The following ARMC2 variants were observed in gnomAD, a reference collection of about 807,000 sequenced individuals.
ARMC2 encodes armadillo repeat-containing protein 2.
A neutral mutation model predicts 90.3 loss-of-function variants in ARMC2; 67 were observed. The ratio of observed to expected loss-of-function variants is 0.74; its 90% CI spans 0.61 to 0.91. The LOEUF (loss-of-function observed/expected upper bound fraction) is 0.91. Ranked by LOEUF, ARMC2 falls within the 40% of genes least tolerant of loss-of-function variation. The pLI is 0.00. For missense variants in ARMC2, 920 were observed against 1,030.9 expected (o/e 0.89, Z 1.47); for synonymous variants, 393 against 393.0 (o/e 1.00, Z 0.00).
chr6:108,849,532 TA>T (rs962738344), intron 1 of ARMC2, among the ~76,000 whole-genome samples: 3 of 151,866 alleles, frequency 2.0e-5, no homozygotes, highest in South Asian at 4.2e-4. Context: ...AGTATAATAA[TA>T]AAAAAAAACT....
chr6:108,863,052 G>A (rs1276600405), intron 3 of ARMC2, among the ~76,000 whole-genome samples: 1 of 152,210 alleles, frequency 6.6e-6, no homozygotes, highest in Non-Finnish European at 1.5e-5. Flanking sequence ...GACGCTTGTG[G>A]TTCCTGATTG....
chr6:108,925,487 C>A (rs2768562), intron 10 of ARMC2, among the ~76,000 whole-genome samples: 113,828 of 152,140 alleles, frequency 0.75, 42,863 homozygotes, highest in Middle Eastern at 0.82. Context: ...AGATAGTAAA[C>A]CATAATATTA....
At chr6:109,033,648 T>C in the ARMC2 span, among the ~76,000 whole-genome samples, 4 of 152,128 alleles carry the variant, frequency 2.6e-5, no homozygotes, top group Non-Finnish European at 1.5e-5. Context: ...ATGCCTTAGA[T>C]TTTCATTTGT....
the ARMC2 span, chr6:108,988,218 A>T: frequency 5.3e-6 from 1 of 189,218 alleles, no homozygotes; most frequent in African/African-American, 2.3e-5. Flanking sequence ...CCAAATCATT[A>T]TTCAGTAATT....
chr6:108,890,171 C>G (rs1260663088), intron 5 of ARMC2, among the ~76,000 whole-genome samples: 7 of 116,722 alleles, frequency 6.0e-5, no homozygotes, highest in Non-Finnish European at 9.9e-5. Flanking sequence ...GCCTGGGTGA[C>G]AGAGCGAGAC....
At chr6:108,933,705 G>C (rs1775755583) in intron 11 of ARMC2, among the ~76,000 whole-genome samples, 1 of 152,162 alleles carries the variant, frequency 6.6e-6, no homozygotes, top group Non-Finnish European at 1.5e-5. Flanking sequence ...ATACTATGCT[G>C]CATAGGAATG....
the ARMC2 span, among the ~76,000 whole-genome samples, chr6:109,014,953 T>A: frequency 2.6e-5 from 4 of 152,226 alleles, no homozygotes; most frequent in Non-Finnish European, 5.9e-5. Context: ...ATAAGCTTCA[T>A]AAAATCAGAA....
chr6:108,992,734 A>G, the ARMC2 span: 2 of 1,142,680 alleles, frequency 1.8e-6, no homozygotes, highest in East Asian at 4.7e-5. Context: ...TTGTATTTTA[A>G]GTCAGACTGA....
intron 10 of ARMC2, among the ~76,000 whole-genome samples, chr6:108,915,483 C>T (rs139214287): frequency 2.0e-5 from 3 of 152,044 alleles, no homozygotes; most frequent in African/African-American, 2.4e-5. Context: ...TACAGAACTT[C>T]GCTTGCTTTA....
the ARMC2 span, among the ~76,000 whole-genome samples, chr6:108,999,456 C>A: frequency 2.0e-5 from 3 of 152,064 alleles, no homozygotes. Context: ...ATTTATAGTG[C>A]ATGGTAGACA....
At chr6:108,963,460 A>G (rs1778140777) in intron 15 of ARMC2, among the ~76,000 whole-genome samples, 1 of 152,216 alleles carries the variant, frequency 6.6e-6, no homozygotes, top group African/African-American at 2.4e-5. Flanking sequence ...GCCTCTGTCA[A>G]GCTTACTGCC....
At chr6:108,907,551 C>A in intron 8 of ARMC2, 1 of 1,353,384 alleles carries the variant, frequency 7.4e-7, no homozygotes. Context: ...AGATTGTGTT[C>A]CTCACAGAGG....
At chr6:108,999,642 TG>T in the ARMC2 span, among the ~76,000 whole-genome samples, 1 of 152,130 alleles carries the variant, frequency 6.6e-6, no homozygotes, top group African/African-American at 2.4e-5. Context: ...GGCCAAGATG[TG>T]GGACAACAGG....
At chr6:108,892,628 A>G (rs561189329) in intron 5 of ARMC2, among the ~76,000 whole-genome samples, 2 of 152,032 alleles carry the variant, frequency 1.3e-5, no homozygotes, top group Non-Finnish European at 2.9e-5. Flanking sequence ...GCATGGTGGC[A>G]CACGCCTGTA....
the ARMC2 span, chr6:109,009,302 G>A: frequency 7.1e-7 from 1 of 1,414,480 alleles, no homozygotes; most frequent in South Asian, 1.4e-5. Context: ...GGGCAGCTCG[G>A]CCGGGTGCCC....
intron 11 of ARMC2, among the ~76,000 whole-genome samples, chr6:108,931,764 C>A (rs1392088716): frequency 6.6e-6 from 1 of 151,464 alleles, no homozygotes; most frequent in Admixed American, 6.6e-5. Context: ...ATGTTCTTTG[C>A]CCACTTTTTT....
chr6:108,989,891 A>G, the ARMC2 span, among the ~76,000 whole-genome samples: 3 of 152,184 alleles, frequency 2.0e-5, no homozygotes, highest in African/African-American at 7.2e-5. Flanking sequence ...GGTCTTGCAA[A>G]GCTGGTTCTA....
chr6:109,006,169 GA>G, the ARMC2 span, among the ~76,000 whole-genome samples: 4 of 152,112 alleles, frequency 2.6e-5, no homozygotes, highest in Non-Finnish European at 5.9e-5. Context: ...CTAAAGTTTA[GA>G]AAGAGTATTT....
At chr6:108,989,674 C>T in the ARMC2 span, among the ~76,000 whole-genome samples, 114 of 151,950 alleles carry the variant, frequency 7.5e-4, no homozygotes, top group African/African-American at 2.7e-3. Flanking sequence ...AATTACTTTA[C>T]TCATGTTTCT....
Sources: allele counts gnomAD v4.1 joint callset (sites outside exome capture counted in the v4.1 genomes callset), GRCh38; gene constraint gnomAD v4.1.1; transcripts MANE v1.5; gene names NCBI Gene and HGNC (gene_info 2026-07-23, HGNC 2026-07-21).